Variants in SLC25A21 observed in about 807,000 individuals in gnomAD.
SLC25A21 encodes the protein solute carrier family 25 member 21, also known as mitochondrial 2-oxodicarboxylate carrier.
Under a neutral mutation model 43.8 loss-of-function variants are expected in SLC25A21, and 47 were observed. That is an observed-to-expected ratio of 1.07 (90% CI 0.85 to 1.37). The LOEUF is 1.37. Among genes scored for constraint, SLC25A21 ranks in the 40% most tolerant of loss-of-function variants. The pLI, the probability that SLC25A21 is intolerant of heterozygous loss-of-function variation, is 0.00. For synonymous variants in SLC25A21, 131 were observed against 121.3 expected, an observed-to-expected ratio of 1.08 and a Z score of -0.52; for missense variants, 352 against 350.2, an observed-to-expected ratio of 1.00 and a Z score of -0.04.
At chr14:37,076,112 T>G (rs1379507995) in intron 1 of SLC25A21, among the ~76,000 whole-genome samples, 1 of 152,238 alleles carries the variant, frequency 6.6e-6, no homozygotes, top group Non-Finnish European at 1.5e-5. Flanking sequence ...ACAATTCAGT[T>G]GAAACAGTCT....
At chr14:36,995,312 G>A (rs1960348195) in intron 1 of SLC25A21, among the ~76,000 whole-genome samples, 1 of 152,062 alleles carries the variant, frequency 6.6e-6, no homozygotes, top group Non-Finnish European at 1.5e-5. Context: ...TCCATTTTGT[G>A]CAATTTTAAT....
At chr14:36,711,233 C>T in intron 7 of SLC25A21, 85 bp downstream of exon 7, 1 of 1,251,420 alleles carries the variant, frequency 8.0e-7, no homozygotes. Context: ...AGCACAGTGA[C>T]CAGGACAGGA....
chr14:36,696,530 T>C (rs1279174206), intron 7 of SLC25A21, among the ~76,000 whole-genome samples: 2 of 152,210 alleles, frequency 1.3e-5, no homozygotes, highest in Admixed American at 6.5e-5. Flanking sequence ...TGTGAATCCA[T>C]CTGGTCCTGG....
Position 37,043,986 on chromosome 14 carries a change from A to G in SLC25A21, c.70+128295T>C, listed in dbSNP as rs142730397. Among the ~76,000 whole-genome samples the G allele has an allele frequency of 1.9e-3, 237 of 123,436 alleles. 1 individual carries two copies. Among genetic ancestry groups the G allele is most frequent in the African/African-American group, 7.5e-3 (224 of 29,946 alleles). 81.0% of individuals were successfully genotyped at this position (123,436 alleles called of 152,430 possible). A position where few individuals can be genotyped will look rare whatever the true frequency, so the allele number is the denominator to read the frequency against. ...GGAGACATGGTCTTTTTATTAATATATTGACCAGGCTGATCTCGAACTCCT... is the reference window on the plus strand; with the variant it reads ...GGAGACATGGTCTTTTTATTAATATGTTGACCAGGCTGATCTCGAACTCCT... On this transcript the variant is annotated intron_variant, in intron 1 of 9. Coordinates refer to ENST00000331299, the MANE Select transcript of SLC25A21 (RefSeq NM_030631.4).
chr14:36,702,256 C>T (rs1396997127), intron 7 of SLC25A21, among the ~76,000 whole-genome samples: 6 of 152,008 alleles, frequency 3.9e-5, no homozygotes, highest in Non-Finnish European at 8.8e-5. Context: ...TAGTCACATT[C>T]CTGTTCTTTC....
At chr14:36,932,367 G>A (rs1482899342) in intron 1 of SLC25A21, among the ~76,000 whole-genome samples, 2 of 152,050 alleles carry the variant, frequency 1.3e-5, no homozygotes, top group Non-Finnish European at 2.9e-5. Flanking sequence ...AAGAACCAAG[G>A]GATTTACGGT....
At chr14:36,700,584 G>A (rs1010526193) in intron 7 of SLC25A21, among the ~76,000 whole-genome samples, 3 of 152,158 alleles carry the variant, frequency 2.0e-5, no homozygotes, top group Admixed American at 1.3e-4. Flanking sequence ...GGGCCCTGGG[G>A]TCAGATTGCC....
At chr14:36,791,681 A>G (rs1026518153) in intron 3 of SLC25A21, among the ~76,000 whole-genome samples, 1 of 152,222 alleles carries the variant, frequency 6.6e-6, no homozygotes, top group African/African-American at 2.4e-5. Flanking sequence ...ATTTTAAGGA[A>G]AAGTTAATAA....
At chr14:36,710,536 T>C (rs1202389400) in intron 7 of SLC25A21, among the ~76,000 whole-genome samples, 1 of 152,120 alleles carries the variant, frequency 6.6e-6, no homozygotes, top group Non-Finnish European at 1.5e-5. Flanking sequence ...GCTCAAGCGC[T>C]CCTCCCACCT....
chr14:37,088,930 G>T (rs1157098959), intron 1 of SLC25A21, among the ~76,000 whole-genome samples: 3 of 151,976 alleles, frequency 2.0e-5, no homozygotes, highest in Admixed American at 2.0e-4. Context: ...ATTTTGTTTG[G>T]GGTTATACAA....
chr14:36,790,359 T>A, intron 3 of SLC25A21, among the ~76,000 whole-genome samples: 1 of 152,042 alleles, frequency 6.6e-6, no homozygotes, highest in Non-Finnish European at 1.5e-5. Context: ...AATCCATACA[T>A]CATCCTTATC....
chr14:37,039,930 C>T (rs1961409603), intron 1 of SLC25A21, among the ~76,000 whole-genome samples: 1 of 152,046 alleles, frequency 6.6e-6, no homozygotes, highest in Non-Finnish European at 1.5e-5. Flanking sequence ...CGCTGTGGCT[C>T]ACGCCTGTAA....
chr14:37,021,616 G>C (rs1225691793), intron 1 of SLC25A21, among the ~76,000 whole-genome samples: 1 of 151,870 alleles, frequency 6.6e-6, no homozygotes, highest in Non-Finnish European at 1.5e-5. Flanking sequence ...AAATCAACAG[G>C]CTGAGCTCTC....
Position 36,938,178 on chromosome 14 carries a change from T to C in SLC25A21, c.71-63174A>G, listed in dbSNP as rs557640917. Among the ~76,000 whole-genome samples the C allele has an allele frequency of 2.6e-5, 4 of 152,264 alleles. No individual in the cohort carries two copies. In the South Asian group the frequency reaches 8.3e-4, roughly 32 times the overall value. ...TTAAGCTACATATAGAGCCCTAGTG[T>C]TGAATCCTTTCTTACTTCATCTTTC... On this transcript the variant is annotated intron_variant, in intron 1 of 9. Transcript: ENST00000331299.
intron 2 of SLC25A21, among the ~76,000 whole-genome samples, chr14:36,815,034 C>A (rs1041263765): frequency 9.2e-5 from 14 of 152,136 alleles, no homozygotes; most frequent in Admixed American, 9.2e-4. Context: ...ACGGATTAAG[C>A]TGGAAGCCAT....
chr14:36,747,840 G>A (rs1336663812), intron 3 of SLC25A21, among the ~76,000 whole-genome samples: 4 of 152,224 alleles, frequency 2.6e-5, no homozygotes, highest in African/African-American at 7.2e-5. Flanking sequence ...TTGGACCCGC[G>A]CATTTTGAAG....
chr14:36,891,183 C>G (rs1891062686), intron 1 of SLC25A21, among the ~76,000 whole-genome samples: 1 of 152,082 alleles, frequency 6.6e-6, no homozygotes, highest in Non-Finnish European at 1.5e-5. Flanking sequence ...TGTATTAGCA[C>G]TAAAAGAATC....
At chr14:36,906,575 G>A (rs889772619) in intron 1 of SLC25A21, among the ~76,000 whole-genome samples, 5 of 151,380 alleles carry the variant, frequency 3.3e-5, no homozygotes, top group African/African-American at 4.9e-5. Flanking sequence ...GCATGATCTC[G>A]GCTCACTACA....
intron 1 of SLC25A21, among the ~76,000 whole-genome samples, chr14:36,919,151 C>A (rs1165939251): frequency 6.6e-6 from 1 of 152,108 alleles, no homozygotes; most frequent in African/African-American, 2.4e-5. Flanking sequence ...ACACTCCTCT[C>A]TAAATCCTTT....
Sources: allele counts gnomAD v4.1 joint callset (sites outside exome capture counted in the v4.1 genomes callset), GRCh38; gene constraint gnomAD v4.1.1; transcripts MANE v1.5; gene names NCBI Gene and HGNC (gene_info 2026-07-23, HGNC 2026-07-21).